TENM2: variants seen among roughly 807,000 people sequenced by gnomAD.
TENM2 encodes the protein teneurin transmembrane protein 2.
Under a neutral mutation model 245.2 loss-of-function variants are expected in TENM2, and 52 were observed. The ratio of observed to expected loss-of-function variants is 0.21; its 90% confidence interval spans 0.17 to 0.27. The LOEUF is 0.27. Ranked by LOEUF, TENM2 falls within the 10% of genes least tolerant of loss-of-function variation. The pLI, the probability that TENM2 is intolerant of heterozygous loss-of-function variation, is 1.00. For synonymous variants in TENM2, 1,363 were observed against 1,438.9 expected (o/e 0.95, Z 1.19); for missense variants, 3,046 against 3,666.8 (o/e 0.83, Z 4.37).
chr5:167,375,812 G>A (rs1760713138), intron 2 of TENM2, among the ~76,000 whole-genome samples: 1 of 152,092 alleles, frequency 6.6e-6, no homozygotes. Flanking sequence ...CTAGGTCTTT[G>A]TATTGATTTC....
chr5:168,250,175 A>G, intron 27 of TENM2, among the ~76,000 whole-genome samples: 2 of 146,694 alleles, frequency 1.4e-5, no homozygotes, highest in African/African-American at 2.5e-5. Context: ...TGGATGGGTA[A>G]ATAGATGGAT....
chr5:167,216,164 A>G, the TENM2 span, among the ~76,000 whole-genome samples: 1 of 152,342 alleles, frequency 6.6e-6, no homozygotes, highest in South Asian at 2.1e-4. Flanking sequence ...CTAGAGCCAG[A>G]ATGGAAAGCG....
intron 3 of TENM2, among the ~76,000 whole-genome samples, chr5:167,899,951 T>A (rs1775552293): frequency 6.6e-6 from 1 of 151,598 alleles, no homozygotes; most frequent in Admixed American, 6.6e-5. Flanking sequence ...CGCAAAGACG[T>A]TCTCAATTTA....
At chr5:168,217,871 T>C (rs1003614334) in intron 22 of TENM2, among the ~76,000 whole-genome samples, 4 of 152,222 alleles carry the variant, frequency 2.6e-5, no homozygotes, top group African/African-American at 7.2e-5. Context: ...AGCAGCATCA[T>C]AGGTAGAGCT....
At chr5:167,316,056 A>C (rs1183166424) in intron 1 of TENM2, among the ~76,000 whole-genome samples, 1 of 152,144 alleles carries the variant, frequency 6.6e-6, no homozygotes, top group Admixed American at 6.6e-5. Flanking sequence ...TATAAAATAT[A>C]AAGTTCTGTG....
At chr5:168,148,049 G>A (rs1287110708) in intron 12 of TENM2, among the ~76,000 whole-genome samples, 2 of 152,182 alleles carry the variant, frequency 1.3e-5, no homozygotes. Flanking sequence ...AGCTTTATTG[G>A]AAAAATCAGT....
At chr5:167,158,571 C>G in the TENM2 span, among the ~76,000 whole-genome samples, 9 of 152,158 alleles carry the variant, frequency 5.9e-5, no homozygotes, top group Non-Finnish European at 1.0e-4. Flanking sequence ...ACGGTGCCAG[C>G]TGATCTGGTG....
At chr5:167,779,591 T>A (rs1230269789) in intron 2 of TENM2, among the ~76,000 whole-genome samples, 1 of 152,234 alleles carries the variant, frequency 6.6e-6, no homozygotes, top group Non-Finnish European at 1.5e-5. Context: ...TTAGGGTCTG[T>A]CCTTCGTTTG....
chr5:167,090,391 A>ACCC, the TENM2 span, among the ~76,000 whole-genome samples: 1 of 152,132 alleles, frequency 6.6e-6, no homozygotes, highest in Non-Finnish European at 1.5e-5. Flanking sequence ...AATAAAGGCA[A>ACCC]TTTCTATGAA....
intron 12 of TENM2, among the ~76,000 whole-genome samples, chr5:168,141,732 A>G (rs985157006): frequency 1.3e-5 from 2 of 152,192 alleles, no homozygotes; most frequent in Non-Finnish European, 2.9e-5. Flanking sequence ...GGAGAAATCA[A>G]CTTTTATTTT....
chr5:168,047,302 C>A (rs1049028610), intron 5 of TENM2, 125 bp from the exon 8 acceptor site: 2 of 1,114,512 alleles, frequency 1.8e-6, no homozygotes, highest in Non-Finnish European at 2.6e-6. Flanking sequence ...TGGCCTGGGG[C>A]AAGCCATTTT....
chr5:167,484,949 A>C (rs977815196), intron 2 of TENM2, among the ~76,000 whole-genome samples: 1 of 152,236 alleles, frequency 6.6e-6, no homozygotes, highest in Admixed American at 6.5e-5. Flanking sequence ...ATTACATTAC[A>C]TACACTCCAT....
intron 4 of TENM2, among the ~76,000 whole-genome samples, chr5:167,972,967 G>T (rs1178841368): frequency 6.6e-6 from 1 of 151,868 alleles, no homozygotes; most frequent in African/African-American, 2.4e-5. Context: ...GCTACAGCAT[G>T]GCCTACGTGA....
chr5:167,862,623 G>A (rs1258627087), intron 2 of TENM2, among the ~76,000 whole-genome samples: 1 of 152,170 alleles, frequency 6.6e-6, no homozygotes, highest in Non-Finnish European at 1.5e-5. Context: ...CTGCCTTGAT[G>A]CATAGTTTTC....
chr5:167,303,811 T>C (rs900729633), intron 1 of TENM2, among the ~76,000 whole-genome samples: 1 of 152,098 alleles, frequency 6.6e-6, no homozygotes, highest in African/African-American at 2.4e-5. Flanking sequence ...TTGTCAACTA[T>C]GCGTCATGGT....
At chr5:167,285,670 T>C (rs1771302743) in intron 1 of TENM2, among the ~76,000 whole-genome samples, 2 of 152,248 alleles carry the variant, frequency 1.3e-5, no homozygotes, top group Non-Finnish European at 1.5e-5. Flanking sequence ...AGGGTTGCTG[T>C]AAATGCATCA....
intron 2 of TENM2, among the ~76,000 whole-genome samples, chr5:167,438,612 T>C (rs1450115014): frequency 6.6e-6 from 1 of 152,070 alleles, no homozygotes; most frequent in Non-Finnish European, 1.5e-5. Flanking sequence ...TTAGCCAGGA[T>C]GGTCTCGATC....
chr5:167,296,580 A>G (rs1386564257), intron 1 of TENM2: 1 of 152,246 alleles, frequency 6.6e-6, no homozygotes, highest in African/African-American at 2.4e-5. Flanking sequence ...AAATAAATAA[A>G]TAAAATCCAG....
chr5:167,470,382 T>C (rs1766933745), intron 2 of TENM2, among the ~76,000 whole-genome samples: 1 of 149,742 alleles, frequency 6.7e-6, no homozygotes, highest in Admixed American at 6.7e-5. Flanking sequence ...CTTCCTAATA[T>C]GTCAGTAGAA....
Sources: allele counts gnomAD v4.1 joint callset (sites outside exome capture counted in the v4.1 genomes callset), GRCh38; gene constraint gnomAD v4.1.1; transcripts MANE v1.5; gene names NCBI Gene and HGNC (gene_info 2026-07-23, HGNC 2026-07-21).